VSNL1: variants seen among roughly 807,000 people sequenced by gnomAD.
VSNL1 encodes visinin like 1, also known as visinin-like protein 1.
Under a neutral mutation model 20.4 loss-of-function variants are expected in VSNL1, and 6 were observed. The ratio of observed to expected loss-of-function variants is 0.29; its 90% confidence interval spans 0.16 to 0.58. The LOEUF (loss-of-function observed/expected upper bound fraction) is 0.58. VSNL1 is among the 20% of genes least tolerant of loss of function. The pLI is 0.90. For missense variants in VSNL1, 100 were observed against 234.5 expected, an observed-to-expected ratio of 0.43 and a Z score of 3.75; for synonymous variants, 93 against 86.4, an observed-to-expected ratio of 1.08 and a Z score of -0.42.
In VSNL1 at chr2:17,622,554, A is replaced by AAG. The variant is rs1272760138; in HGVS notation, c.163-26854_163-26853dup. Among the ~76,000 whole-genome samples the AAG allele has an allele frequency of 2.7e-5, 3 of 111,552 alleles. No individual in the cohort carries two copies. In the East Asian group the frequency reaches 7.6e-4, roughly 28 times the overall value. The allele number at this position is 111,552 out of a possible 152,430, so 73.2% of individuals were successfully genotyped here. ...AAGAAAAGAAAGAAAGAAAGAAAGAAAGAAAGAAAGAAAGAAAGAAAGAAA... is the reference window on the plus strand; with the variant it reads ...AAGAAAAGAAAGAAAGAAAGAAAGAAAGAGAAAGAAAGAAAGAAAGAAAGAAA... On this transcript the variant is annotated intron_variant, in intron 2 of 3. Coordinates refer to ENST00000295156, the MANE Select transcript of VSNL1 (RefSeq NM_003385.5).
intron 2 of VSNL1, among the ~76,000 whole-genome samples, chr2:17,604,686 G>A (rs10856770): frequency 0.29 from 44,819 of 152,216 alleles, 8,398 homozygotes; most frequent in Middle Eastern, 0.57. Flanking sequence ...AATACCTTCA[G>A]TCTGAAATAA....
At chr2:17,618,520 T>C (rs531847351) in intron 2 of VSNL1, among the ~76,000 whole-genome samples, 60 of 152,344 alleles carry the variant, frequency 3.9e-4, no homozygotes, top group African/African-American at 1.4e-3. Context: ...ATTAACTTAA[T>C]CACATCTGCA....
At chr2:17,573,026 T>A (rs1664117665) in intron 1 of VSNL1, among the ~76,000 whole-genome samples, 1 of 152,226 alleles carries the variant, frequency 6.6e-6, no homozygotes, top group African/African-American at 2.4e-5. Flanking sequence ...ATAGTACTCA[T>A]CCTCAGAGGA....
chr2:17,616,590 T>G (rs1158373431), intron 2 of VSNL1, among the ~76,000 whole-genome samples: 1 of 152,240 alleles, frequency 6.6e-6, no homozygotes, highest in Non-Finnish European at 1.5e-5. Flanking sequence ...ACAGCCAAGC[T>G]TGGCCACCCA....
chr2:17,642,353 G>C (rs1181971113), intron 2 of VSNL1, among the ~76,000 whole-genome samples: 2 of 116,204 alleles, frequency 1.7e-5, no homozygotes, highest in African/African-American at 6.9e-5. Context: ...CTGTTGCCCA[G>C]GCTGGAGTGC....
chr2:17,570,824 A>G (rs546223734), intron 1 of VSNL1, among the ~76,000 whole-genome samples: 156 of 152,302 alleles, frequency 1.0e-3, no homozygotes, highest in African/African-American at 3.5e-3. Context: ...AGGTGGGTGG[A>G]TCATGAGGTC....
intron 1 of VSNL1, among the ~76,000 whole-genome samples, chr2:17,545,719 T>C (rs932509065): frequency 2.0e-5 from 3 of 152,148 alleles, no homozygotes; most frequent in African/African-American, 4.8e-5. Flanking sequence ...GGGGATGCTT[T>C]AGAAACTATT....
intron 2 of VSNL1, among the ~76,000 whole-genome samples, chr2:17,641,943 A>G (rs929039062): frequency 6.6e-6 from 1 of 152,254 alleles, no homozygotes; most frequent in Non-Finnish European, 1.5e-5. Context: ...ATCCAAAGTC[A>G]TGAAAGTAAC....
At chr2:17,565,867 C>CTAGTGA (rs1283147789) in intron 1 of VSNL1, among the ~76,000 whole-genome samples, 1 of 152,170 alleles carries the variant, frequency 6.6e-6, no homozygotes, top group Non-Finnish European at 1.5e-5. Context: ...GCATGCTGTT[C>CTAGTGA]TAGTGATAGT....
chr2:17,654,033 A>C (rs963902056), intron 3 of VSNL1, among the ~76,000 whole-genome samples: 3 of 152,192 alleles, frequency 2.0e-5, no homozygotes, highest in African/African-American at 7.2e-5. Context: ...TCCATGCTGT[A>C]GCATATTCAT....
intron 2 of VSNL1, among the ~76,000 whole-genome samples, chr2:17,600,151 G>A (rs921810779): frequency 2.6e-5 from 4 of 152,216 alleles, no homozygotes; most frequent in African/African-American, 9.6e-5. Flanking sequence ...GCCTGGATGT[G>A]CACCTGGTTC....
At chr2:17,570,744 T>G (rs1320006740) in intron 1 of VSNL1, among the ~76,000 whole-genome samples, 7 of 152,280 alleles carry the variant, frequency 4.6e-5, no homozygotes, top group African/African-American at 1.7e-4. Flanking sequence ...GGCTAATTGA[T>G]TGTCAAAAAT....
At chr2:17,587,523 A>C (rs1160279730) in intron 1 of VSNL1, among the ~76,000 whole-genome samples, 1 of 152,156 alleles carries the variant, frequency 6.6e-6, no homozygotes, top group Non-Finnish European at 1.5e-5. Context: ...TTCTAGGAGC[A>C]TTCTTAAATC....
intron 2 of VSNL1, among the ~76,000 whole-genome samples, chr2:17,600,541 T>C (rs1462965912): frequency 1.3e-5 from 2 of 152,246 alleles, no homozygotes; most frequent in African/African-American, 2.4e-5. Flanking sequence ...TTCAAATAAT[T>C]TTGAATATAA....
At chr2:17,613,818 T>C (rs1665148481) in intron 2 of VSNL1, among the ~76,000 whole-genome samples, 1 of 152,184 alleles carries the variant, frequency 6.6e-6, no homozygotes, top group Non-Finnish European at 1.5e-5. Context: ...CCCATAGAAA[T>C]GTAAATAGCT....
At chr2:17,577,736 A>G (rs141435958) in intron 1 of VSNL1, among the ~76,000 whole-genome samples, 396 of 152,322 alleles carry the variant, frequency 2.6e-3, no homozygotes, top group African/African-American at 8.8e-3. Flanking sequence ...GAGTTCCCTC[A>G]CTTGGGGAAA....
At chr2:17,544,397 T>A (rs1230817846) in intron 1 of VSNL1, among the ~76,000 whole-genome samples, 1 of 152,118 alleles carries the variant, frequency 6.6e-6, no homozygotes, top group African/African-American at 2.4e-5. Flanking sequence ...GAACACCAGA[T>A]AGATAGCCTT....
chr2:17,627,886 G>A (rs1038965430), intron 2 of VSNL1, among the ~76,000 whole-genome samples: 2 of 152,154 alleles, frequency 1.3e-5, no homozygotes, highest in African/African-American at 4.8e-5. Flanking sequence ...TTTTGGGAAG[G>A]GCTATTATAT....
chr2:17,543,252 C>G (rs983283935), intron 1 of VSNL1, among the ~76,000 whole-genome samples: 1 of 152,202 alleles, frequency 6.6e-6, no homozygotes, highest in African/African-American at 2.4e-5. Context: ...TCTTTGGAAT[C>G]CTTGGCGTTT....
Sources: gnomAD v4.1 joint callset for allele counts (sites outside exome capture counted in the v4.1 genomes callset) on GRCh38, gnomAD v4.1.1 for gene constraint, MANE v1.5 for transcripts, NCBI Gene and HGNC (gene_info 2026-07-23, HGNC 2026-07-21) for gene names.